The following AHCYL2 variants were observed in gnomAD, a reference collection of about 807,000 sequenced individuals.
The protein encoded by AHCYL2 is adenosylhomocysteinase like 2, also known as S-adenosylhomocysteine hydrolase-like protein 2.
AHCYL2 carries 28 observed loss-of-function variants against 81.4 expected under a neutral mutation model. The ratio of observed to expected loss-of-function variants is 0.34; its 90% confidence interval spans 0.25 to 0.47. AHCYL2 has a LOEUF of 0.47. Among genes scored for constraint, AHCYL2 ranks in the 20% least tolerant of loss-of-function variants. AHCYL2 has a pLI of 1.00. For synonymous variants in AHCYL2, 272 were observed against 290.2 expected (o/e 0.94, Z 0.64); for missense variants, 551 against 785.1 (o/e 0.70, Z 3.56).
intron 1 of AHCYL2, among the ~76,000 whole-genome samples, chr7:129,277,969 A>G (rs1584735308): frequency 1.3e-5 from 2 of 152,168 alleles, no homozygotes; most frequent in Non-Finnish European, 1.5e-5. Context: ...GGATTATATA[A>G]GTGTACGGTT....
intron 1 of AHCYL2, among the ~76,000 whole-genome samples, chr7:129,281,257 G>A (rs995308969): frequency 4.6e-5 from 7 of 151,960 alleles, no homozygotes; most frequent in African/African-American, 1.7e-4. Flanking sequence ...GCTGGGCTTG[G>A]TTTGCTGAAA....
At position 129,412,101 on chromosome 7, in the gene AHCYL2, C is replaced by A. The variant is rs191299027; in HGVS notation, c.1367-1493C>A. ...TGGTGGCTCACACCTGTAATCCCAG[C>A]ACTTTGGAAGGCCGAAGTAGGCAGA... On this transcript the variant is annotated intron_variant, in intron 11 of 16. Transcript: ENST00000325006. 2.6e-5 allele frequency among the ~76,000 whole-genome samples: 4 copies of A among 151,940 alleles called. No homozygotes were observed. In the East Asian group the frequency reaches 7.8e-4, roughly 30 times the overall value.
intron 12 of AHCYL2, among the ~76,000 whole-genome samples, chr7:129,417,460 A>G (rs1469959720): frequency 1.3e-5 from 2 of 152,230 alleles, no homozygotes; most frequent in Non-Finnish European, 2.9e-5. Flanking sequence ...TTTTTAAAGG[A>G]TGGCTTTTAT....
intron 1 of AHCYL2, among the ~76,000 whole-genome samples, chr7:129,236,604 G>C (rs1794653358): frequency 6.6e-6 from 1 of 152,190 alleles, no homozygotes; most frequent in Admixed American, 6.6e-5. Flanking sequence ...GCCTCCCAAA[G>C]AGGCATAAAA....
intron 7 of AHCYL2, among the ~76,000 whole-genome samples, chr7:129,404,716 G>A (rs556996187): frequency 3.9e-5 from 6 of 152,262 alleles, no homozygotes; most frequent in African/African-American, 1.2e-4. Context: ...ACAGCCAGGC[G>A]TAGTCTCATG....
chr7:129,424,851 G>A (rs763320510), intron 13 of AHCYL2, 23 bp from the exon 14 acceptor site: 4 of 1,612,078 alleles, frequency 2.5e-6, no homozygotes, highest in African/African-American at 1.3e-5. Flanking sequence ...TAATCCATTT[G>A]TGTCTTCACC....
chr7:129,244,474 A>G (rs902660367), intron 1 of AHCYL2, among the ~76,000 whole-genome samples: 2 of 152,148 alleles, frequency 1.3e-5, no homozygotes, highest in Admixed American at 6.5e-5. Flanking sequence ...TTGCTTTCTC[A>G]TGGTTCTGGA....
intron 1 of AHCYL2, among the ~76,000 whole-genome samples, chr7:129,321,817 C>A (rs376909065): frequency 1.4e-5 from 2 of 145,430 alleles, no homozygotes. Context: ...ACTCTGTTGC[C>A]CAGGCTGGAG....
chr7:129,397,426 T>A, intron 5 of AHCYL2, 102 bp downstream of exon 5: 1 of 1,157,984 alleles, frequency 8.6e-7, no homozygotes, highest in Non-Finnish European at 1.2e-6. Flanking sequence ...ATAAAAGAAC[T>A]ATCTTGGAAG....
Position 129,362,597 on chromosome 7 carries a change from G to GTTT in AHCYL2, c.364-17016_364-17014dup, listed in dbSNP as rs769346623. On this transcript the variant is annotated intron_variant, in intron 1 of 16. Coordinates refer to ENST00000325006, the MANE Select transcript of AHCYL2 (RefSeq NM_015328.4). ...CTAAGGAATAGTTATTGGTTTTCTT[G>GTTT]TTTTTTTTTTTTTTTTTTTTTTTTT... 2.0e-3 allele frequency among the ~76,000 whole-genome samples: 126 copies of GTTT among 63,646 alleles called. 4 individuals are homozygous for GTTT. Among genetic ancestry groups the GTTT allele is most frequent in the Admixed American group, 2.6e-3 (12 of 4,680 alleles). 41.8% of individuals were successfully genotyped at this position (63,646 alleles called of 152,430 possible). A position where few individuals can be genotyped will look rare whatever the true frequency, so the allele number is the denominator to read the frequency against.
Position 129,429,432 on chromosome 7 carries a change from A to G in AHCYL2, c.*2387A>G, listed in dbSNP as rs922055685. Reference sequence around the variant, plus strand: ...ATCCTGGTTATCTGGAAGCATGGGAAAGAAGGCTACTTATCTCTTTGTATG... The same window carrying G: ...ATCCTGGTTATCTGGAAGCATGGGAGAGAAGGCTACTTATCTCTTTGTATG... On this transcript the variant is annotated 3_prime_UTR_variant, in exon 17 of 17. Transcript: ENST00000325006. The G allele has an allele frequency of 2.0e-5, 3 of 152,228 alleles. No homozygotes were observed. The highest frequency in any genetic ancestry group is 2.0e-4 in the Admixed American group (3 of 15,292). The allele number at this position is 152,228 out of a possible 1,614,324, so 9.4% of individuals were successfully genotyped here.
intron 1 of AHCYL2, among the ~76,000 whole-genome samples, chr7:129,228,543 A>G (rs574399075): frequency 1.3e-5 from 2 of 152,214 alleles, no homozygotes; most frequent in East Asian, 1.9e-4. Context: ...AAAAATCTCT[A>G]TAAGAAGTAA....
chr7:129,403,275 A>G, intron 6 of AHCYL2, 104 bp from the exon 7 acceptor site: 1 of 658,928 alleles, frequency 1.5e-6, no homozygotes, highest in Admixed American at 3.2e-5. Flanking sequence ...GAAATTTTAA[A>G]TATCTGTAAA....
At chr7:129,270,150 G>T (rs1795958039) in intron 1 of AHCYL2, among the ~76,000 whole-genome samples, 1 of 152,140 alleles carries the variant, frequency 6.6e-6, no homozygotes, top group Non-Finnish European at 1.5e-5. Context: ...TCCTTTCTCA[G>T]TTCCTTTAGA....
intron 1 of AHCYL2, among the ~76,000 whole-genome samples, chr7:129,303,501 A>T (rs1466533874): frequency 6.6e-6 from 1 of 152,074 alleles, no homozygotes; most frequent in African/African-American, 2.4e-5. Flanking sequence ...ATCAGCTGTA[A>T]TGTCTTCTTT....
At chr7:129,230,714 A>G (rs1794400986) in intron 1 of AHCYL2, among the ~76,000 whole-genome samples, 1 of 151,708 alleles carries the variant, frequency 6.6e-6, no homozygotes, top group African/African-American at 2.4e-5. Context: ...CTGGGACTAC[A>G]GGTGCACGCC....
In AHCYL2 at chr7:129,389,036, T is replaced by C. The variant is rs756457852; in HGVS notation, c.476-20T>C. The C allele has an allele frequency of 4.4e-6, 7 of 1,592,882 alleles. No individual in the cohort carries two copies. The highest frequency in any genetic ancestry group is 6.0e-6 in the Non-Finnish European group (7 of 1,174,632). ...GAAGCATTTTTTTTTTTCCGAGTGT[T>C]TTTTATTCTGTCATTCCAGCGGCTT... On this transcript the variant is annotated intron_variant, in intron 2 of 16. Transcript: ENST00000325006.
At chr7:129,268,224 A>T (rs1463760515) in intron 1 of AHCYL2, among the ~76,000 whole-genome samples, 3 of 152,172 alleles carry the variant, frequency 2.0e-5, no homozygotes, top group Non-Finnish European at 4.4e-5. Flanking sequence ...TACCAGCTAT[A>T]CCTTAAAGAA....
intron 1 of AHCYL2, among the ~76,000 whole-genome samples, chr7:129,312,319 C>G (rs1428018002): frequency 3.9e-5 from 6 of 152,238 alleles, no homozygotes; most frequent in Admixed American, 3.3e-4. Context: ...CTACTGGATT[C>G]AAGTGATCCT....
Sources: allele counts gnomAD v4.1 joint callset (sites outside exome capture counted in the v4.1 genomes callset), GRCh38; gene constraint gnomAD v4.1.1; transcripts MANE v1.5; gene names NCBI Gene and HGNC (gene_info 2026-07-23, HGNC 2026-07-21).